Variants in GRHL3 observed in about 807,000 individuals in gnomAD.
The protein encoded by GRHL3 is grainyhead-like protein 3 homolog.
GRHL3 carries 20 observed loss-of-function variants against 70.3 expected under a neutral mutation model. The observed-to-expected ratio is 0.28, with a 90% CI of 0.20 to 0.41. GRHL3 has a LOEUF of 0.41. GRHL3 is among the 10% of genes least tolerant of loss of function. The pLI is 1.00. For synonymous variants in GRHL3, 299 were observed against 299.9 expected, an observed-to-expected ratio of 1.00 and a Z score of 0.03; for missense variants, 637 against 762.3, an observed-to-expected ratio of 0.84 and a Z score of 1.94.
intron 3 of GRHL3, among the ~76,000 whole-genome samples, chr1:24,335,583 A>G (rs1242691011): frequency 1.0e-5 from 1 of 99,200 alleles, no homozygotes; most frequent in East Asian, 2.5e-4. Context: ...TCTCAAAACT[A>G]ATTTTTTTTT....
intron 12 of GRHL3, 75 bp from the exon 13 acceptor site, chr1:24,346,478 G>C: frequency 1.1e-6 from 1 of 945,492 alleles, no homozygotes; most frequent in East Asian, 2.5e-5. Flanking sequence ...TAGGGCCCCT[G>C]GAGGCCCAGC....
rs895394941 is a variant in GRHL3, at chr1:24,334,560, G to A, written c.205-85G>A. 35 of 1,053,848 alleles carry A rather than the reference G, an allele frequency of 3.3e-5. No homozygotes were observed. The Admixed American group carries it at 6.2e-4, about 19-fold the overall frequency. The allele number at this position is 1,053,848 out of a possible 1,614,324, so 65.3% of individuals were successfully genotyped here. ...ACCATATCACCAAAGTTACTCCCCT[G>A]CCTGGCCAAAGCTGCAGGAGGGGAT... On this transcript the variant is annotated intron_variant, in intron 2 of 15. Coordinates refer to ENST00000361548, the MANE Select transcript of GRHL3 (RefSeq NM_198173.3). The surrounding 1 kb of genome is among the most constrained non-coding windows in gnomAD (Gnocchi z 4.3).
Position 24,354,449 on chromosome 1 carries a change from G to A in GRHL3, c.1770G>A (p.Glu590=). ...NHVAFLLDMG[E]LDGKIQIILK... ...TCGCCTTCCTGCTGGACATGGGGGAGCTGGACGGCAAAATTCAGATCATCC... is the reference window on the plus strand; with the variant it reads ...TCGCCTTCCTGCTGGACATGGGGGAACTGGACGGCAAAATTCAGATCATCC... The change falls in exon 16 of 16, where the codon GAG becomes GAA. Residue 590 remains glutamate (E), a synonymous_variant. Coordinates refer to ENST00000361548, the MANE Select transcript of GRHL3 (RefSeq NM_198173.3). 1 of 1,613,874 alleles carries A rather than the reference G, an allele frequency of 6.2e-7. No individual in the cohort carries two copies.
chr1:24,337,378 T>C, intron 5 of GRHL3: 1 of 592,036 alleles, frequency 1.7e-6, no homozygotes, highest in Admixed American at 3.2e-5. Context: ...CTTTTATCCT[T>C]AGTTTTCCCT....
In GRHL3 at chr1:24,342,722, A is replaced by G. The variant is rs1640091450; in HGVS notation, c.1235A>G (p.Glu412Gly). Reference sequence around the variant, plus strand: ...GCTGAGAGGAAGATGCGCGATGACGAGCGGAAGCAGTTCCGGAGGAAGGTC... The same window carrying G: ...GCTGAGAGGAAGATGCGCGATGACGGGCGGAAGCAGTTCCGGAGGAAGGTC... ...KGAERKMRDD[E>G]RKQFRRKVKC... Residue 412 changes from glutamate (E) to glycine (G), a missense_variant, in exon 10 of 16, where the codon GAG becomes GGG. By Grantham distance (98) the Glu-to-Gly change is moderately conservative. Transcript: ENST00000361548. The surrounding 1 kb of genome is among the most constrained non-coding windows in gnomAD (Gnocchi z 4.8). 4.3e-6 allele frequency: 7 copies of G among 1,614,194 alleles called. No homozygotes were observed. Among genetic ancestry groups the G allele is most frequent in the Non-Finnish European group, 5.9e-6 (7 of 1,180,036 alleles).
chr1:24,364,221 C>T (rs1248390232), exon 16 of GRHL3: 5 of 1,541,788 alleles, frequency 3.2e-6, no homozygotes, highest in Non-Finnish European at 3.5e-6. Flanking sequence ...TGTCTCGCCA[C>T]CCCCCACCTG....
chr1:24,322,161 G>T lies in GRHL3; in HGVS notation c.17+2593G>T, dbSNP rs1569847897. On this transcript the variant is annotated intron_variant, in intron 1 of 15. Coordinates refer to ENST00000361548, the MANE Select transcript of GRHL3 (RefSeq NM_198173.3). This position sits in a 1 kb window ranked among gnomAD's most constrained non-coding sequence, Gnocchi z 4.4. ...GAAGGGAGAGTTTCGCCGCAAAGGG[G>T]CTTGGCACACAGTAGGTCTAAGGCA... Among the ~76,000 whole-genome samples, 1 of 152,162 alleles carries T rather than the reference G, an allele frequency of 6.6e-6. No homozygotes were observed. Among genetic ancestry groups the T allele is most frequent in the South Asian group, 2.1e-4 (1 of 4,828 alleles).
intron 15 of GRHL3, chr1:24,361,058 A>G (rs1641079227): frequency 6.3e-7 from 1 of 1,594,946 alleles, no homozygotes; most frequent in Non-Finnish European, 8.6e-7. Flanking sequence ...GAAAGATAAA[A>G]CGGGAAGATG....
intron 5 of GRHL3, 71 bp from the exon 6 acceptor site, chr1:24,337,565 T>C (rs768891750): frequency 3.8e-5 from 57 of 1,507,726 alleles, no homozygotes; most frequent in Non-Finnish European, 4.8e-5. Flanking sequence ...TCAGGCTTCC[T>C]GCCCCACTGC....
chr1:24,342,340 C>A lies in GRHL3; in HGVS notation c.1206+67C>A. ...TAGAAGGGCCAAACCCTGACCCGTGCGTCCTCCTAGCTTCTCTGGGTTGTC... is the reference window on the plus strand; with the variant it reads ...TAGAAGGGCCAAACCCTGACCCGTGAGTCCTCCTAGCTTCTCTGGGTTGTC... On this transcript the variant is annotated intron_variant, in intron 9 of 15. Coordinates refer to ENST00000361548, the MANE Select transcript of GRHL3 (RefSeq NM_198173.3). This position sits in a 1 kb window ranked among gnomAD's most constrained non-coding sequence, Gnocchi z 4.8. 2.2e-6 allele frequency: 3 copies of A among 1,363,724 alleles called. No homozygotes were observed. Among genetic ancestry groups the A allele is most frequent in the Non-Finnish European group, 3.0e-6 (3 of 991,160 alleles). The allele number at this position is 1,363,724 out of a possible 1,614,324, so 84.5% of individuals were successfully genotyped here. A position where few individuals can be genotyped will look rare whatever the true frequency, so the allele number is the denominator to read the frequency against.
intron 12 of GRHL3, among the ~76,000 whole-genome samples, chr1:24,345,846 C>T (rs1286069567): frequency 1.3e-5 from 2 of 152,222 alleles, no homozygotes; most frequent in East Asian, 3.9e-4. Context: ...GATATGGAAT[C>T]TTCGTAAGTG....
chr1:24,336,836 G>A lies in GRHL3; in HGVS notation c.612+9G>A, dbSNP rs201895291. 492 of 1,577,152 alleles carry A rather than the reference G, an allele frequency of 3.1e-4. 6 individuals are homozygous for A. The highest frequency in any genetic ancestry group is 2.1e-3 in the South Asian group (183 of 86,544). ...AAGATGACCCACAGGAGGTGAGGGC[G>A]CATCCCCGCTCCCCTATAGCATAGA... On this transcript the variant is annotated intron_variant, in intron 4 of 15. Transcript: ENST00000361548.
rs1294729641 is a variant in GRHL3, at chr1:24,322,719, A to AG, written c.17+3154dup. On this transcript the variant is annotated intron_variant, in intron 1 of 15. Transcript: ENST00000361548. The surrounding 1 kb of genome is among the most constrained non-coding windows in gnomAD (Gnocchi z 4.4). ...CCACTGACCCACCGGAGGAGTGAAGAGGGAAAACGGGGCTGAAACCCAGAT... is the reference window on the plus strand; with the variant it reads ...CCACTGACCCACCGGAGGAGTGAAGAGGGGAAAACGGGGCTGAAACCCAGAT... Among the ~76,000 whole-genome samples the AG allele has an allele frequency of 6.6e-6, 1 of 152,220 alleles. No homozygotes were observed. Among genetic ancestry groups the AG allele is most frequent in the African/African-American group, 2.4e-5 (1 of 41,464 alleles).
intron 15 of GRHL3, among the ~76,000 whole-genome samples, chr1:24,362,437 C>T (rs1362048581): frequency 6.6e-6 from 1 of 152,164 alleles, no homozygotes; most frequent in Non-Finnish European, 1.5e-5. Flanking sequence ...TCTAGTCATG[C>T]CACTTACTGG....
At chr1:24,344,839 A>G (rs2148661802) in intron 11 of GRHL3, 58 bp from the exon 12 acceptor site, 1 of 1,602,662 alleles carries the variant, frequency 6.2e-7, no homozygotes, top group Non-Finnish European at 8.5e-7. Context: ...TCCAGCAGCC[A>G]GGGGCTCCTC....
At chr1:24,354,279 C>T in intron 15 of GRHL3, 95 bp from the exon 16 acceptor site, 1 of 770,984 alleles carries the variant, frequency 1.3e-6, no homozygotes, top group Admixed American at 2.2e-5. Context: ...TGGCAGGTAC[C>T]CACTGGGTAT....
At chr1:24,340,266 G>A (rs1639986658) in intron 8 of GRHL3, among the ~76,000 whole-genome samples, 1 of 152,316 alleles carries the variant, frequency 6.6e-6, no homozygotes, top group East Asian at 1.9e-4. Context: ...ATGCGAAGGA[G>A]TCCGGTGAAT....
intron 5 of GRHL3, chr1:24,337,389 G>A: frequency 1.7e-6 from 1 of 591,306 alleles, no homozygotes; most frequent in Non-Finnish European, 3.0e-6. Context: ...AGTTTTCCCT[G>A]GTTTTGTCAC....
At chr1:24,338,149 C>T (rs890382438) in intron 7 of GRHL3, 46 bp downstream of exon 7, 22 of 1,287,164 alleles carry the variant, frequency 1.7e-5, no homozygotes, top group Non-Finnish European at 2.2e-5. Context: ...TCTCTCTCCC[C>T]ACCCCCGCAT....
Sources: gnomAD v4.1 joint callset for allele counts (sites outside exome capture counted in the v4.1 genomes callset) on GRCh38, gnomAD v4.1.1 for gene constraint, Gnocchi (gnomAD v3.1) non-coding constraint, MANE v1.5 for transcripts, NCBI Gene and HGNC (gene_info 2026-07-23, HGNC 2026-07-21) for gene names.